SH3RF1: variants seen among roughly 807,000 people sequenced by gnomAD.
SH3RF1 encodes the protein SH3 domain containing ring finger 1.
A neutral mutation model predicts 74.0 loss-of-function variants in SH3RF1; 32 were observed. The observed-to-expected ratio is 0.43, with a 90% CI of 0.33 to 0.58. SH3RF1 has a LOEUF of 0.58. Ranked by LOEUF, SH3RF1 falls within the 20% of genes least tolerant of loss-of-function variation. The probability of loss-of-function intolerance (pLI) is 0.05; values close to 1 mark genes in which losing one functional copy is unlikely to be tolerated. For synonymous variants in SH3RF1, 396 were observed against 439.6 expected (o/e 0.90, Z 1.24); for missense variants, 954 against 1,130.9 (o/e 0.84, Z 2.24).
In SH3RF1 at chr4:169,193,279, A is replaced by G. The variant is rs139167689; in HGVS notation, c.394-36600T>C. Among the ~76,000 whole-genome samples, 9 of 152,210 alleles carry G rather than the reference A, an allele frequency of 5.9e-5. No homozygotes were observed. The East Asian group carries it at 1.7e-3, about 29-fold the overall frequency. On this transcript the variant is annotated intron_variant, in intron 2 of 11. Transcript: ENST00000284637. ...AACACCATCCATTCCCCAATAACCT[A>G]TGGAAATAGTGAATGAATGAATGAA...
At position 169,269,124 on chromosome 4, in the gene SH3RF1, T is replaced by A; in HGVS notation, c.89A>T (p.His30Leu). Residue 30 changes from histidine (H) to leucine (L), a missense_variant, in exon 2 of 12, where the codon CAT becomes CTT. Physicochemically the swap from His to Leu is moderately conservative, Grantham distance 99. Transcript: ENST00000284637. The part of the protein sequence containing the change: ...DASAKVLPCQ[H>L]TFCKRCLLGI... ...CAGCAAACATCGCTTGCAAAACGTA[T>A]GCTGGCAAGGCAAGACCTTCGCAGA... 6.2e-7 allele frequency: 1 copy of A among 1,614,072 alleles called. No individual in the cohort carries two copies. Among genetic ancestry groups the A allele is most frequent in the Non-Finnish European group, 8.5e-7 (1 of 1,180,030 alleles).
At chr4:169,165,731 C>T (rs1734231477) in intron 2 of SH3RF1, among the ~76,000 whole-genome samples, 1 of 151,938 alleles carries the variant, frequency 6.6e-6, no homozygotes. Context: ...AGAGGATGCT[C>T]ATATAATTTA....
At chr4:169,210,477 TCA>T (rs1730339376) in intron 2 of SH3RF1, among the ~76,000 whole-genome samples, 1 of 152,262 alleles carries the variant, frequency 6.6e-6, no homozygotes, top group African/African-American at 2.4e-5. Context: ...TTTTAATCTA[TCA>T]CTTCCAAAAG....
chr4:169,197,479 A>C (rs913854469), intron 2 of SH3RF1, among the ~76,000 whole-genome samples: 3 of 151,978 alleles, frequency 2.0e-5, no homozygotes, highest in Admixed American at 2.0e-4. Flanking sequence ...CACAAAAATT[A>C]GCCAGTCGTG....
At chr4:169,222,402 T>C (rs1561057012) in intron 2 of SH3RF1, among the ~76,000 whole-genome samples, 3 of 151,856 alleles carry the variant, frequency 2.0e-5, no homozygotes, top group South Asian at 4.1e-4. Flanking sequence ...GAGGTGGAGG[T>C]TGCAGTGAAC....
At chr4:169,164,839 G>C (rs1734209489) in intron 2 of SH3RF1, among the ~76,000 whole-genome samples, 1 of 152,196 alleles carries the variant, frequency 6.6e-6, no homozygotes, top group Admixed American at 6.5e-5. Flanking sequence ...GGAGGAAACA[G>C]TCATGCAGTT....
intron 2 of SH3RF1, among the ~76,000 whole-genome samples, chr4:169,248,621 T>A (rs1323739575): frequency 6.6e-6 from 1 of 152,154 alleles, no homozygotes; most frequent in East Asian, 1.9e-4. Flanking sequence ...AACCTGCACA[T>A]TCTGTACATG....
At chr4:169,156,325 G>A (rs900184059) in intron 3 of SH3RF1, 79 bp downstream of exon 3, 4 of 1,426,734 alleles carry the variant, frequency 2.8e-6, no homozygotes, top group Non-Finnish European at 3.7e-6. Flanking sequence ...TTTGCAAAAG[G>A]CAACACGAGC....
intron 2 of SH3RF1, among the ~76,000 whole-genome samples, chr4:169,254,867 G>T (rs1387926498): frequency 6.6e-6 from 1 of 152,064 alleles, no homozygotes; most frequent in African/African-American, 2.4e-5. Context: ...TTAGGAAATG[G>T]GTCCTATGAG....
chr4:169,197,247 G>C (rs1016704319), intron 2 of SH3RF1, among the ~76,000 whole-genome samples: 4 of 152,072 alleles, frequency 2.6e-5, no homozygotes, highest in East Asian at 1.9e-4. Context: ...GGTGATCCAC[G>C]TGCCTCAGCC....
chr4:169,096,484 TG>T lies in SH3RF1; in HGVS notation c.*34del. ...AACTGCTTTGTGCTACTTTGTTGTGTGAAGTGATTTTAAGCTTCTTCAGTGT... is the reference window on the plus strand; with the variant it reads ...AACTGCTTTGTGCTACTTTGTTGTGTAAGTGATTTTAAGCTTCTTCAGTGT... On this transcript the variant is annotated 3_prime_UTR_variant, in exon 12 of 12. Transcript: ENST00000284637. 6.2e-7 allele frequency: 1 copy of T among 1,602,230 alleles called. No homozygotes were observed. Among genetic ancestry groups the T allele is most frequent in the South Asian group, 1.1e-5 (1 of 88,910 alleles).
At chr4:169,192,836 G>GATGTGATATAT (rs1198224218) in intron 2 of SH3RF1, among the ~76,000 whole-genome samples, 20 of 146,462 alleles carry the variant, frequency 1.4e-4, no homozygotes, top group African/African-American at 5.0e-4. Flanking sequence ...ATATCATATA[G>GATGTGATATAT]ATGTGATATA....
intron 4 of SH3RF1, among the ~76,000 whole-genome samples, chr4:169,139,162 G>A (rs564019211): frequency 7.9e-5 from 12 of 152,224 alleles, no homozygotes; most frequent in Middle Eastern, 3.4e-3. Flanking sequence ...AGCTGGTGTC[G>A]AACTTCTGAG....
At chr4:169,234,117 T>A (rs1179592639) in intron 2 of SH3RF1, among the ~76,000 whole-genome samples, 1 of 152,090 alleles carries the variant, frequency 6.6e-6, no homozygotes, top group Non-Finnish European at 1.5e-5. Context: ...TACAAATTAT[T>A]CTAGAACAGT....
chr4:169,188,793 C>T (rs1236687941), intron 2 of SH3RF1, among the ~76,000 whole-genome samples: 1 of 152,158 alleles, frequency 6.6e-6, no homozygotes, highest in African/African-American at 2.4e-5. Flanking sequence ...TTCCATACTC[C>T]CTCTATCAAT....
intron 11 of SH3RF1, among the ~76,000 whole-genome samples, chr4:169,102,427 C>T (rs1733055453): frequency 6.6e-6 from 1 of 151,712 alleles, no homozygotes. Flanking sequence ...AGGAGATGAG[C>T]TTATAGGTAT....
chr4:169,260,243 T>C lies in SH3RF1; in HGVS notation c.393+8577A>G, dbSNP rs186146332. ...GAGCCTCTGATTTTATTCTTTTGCT[T>C]TTCTGAGACCAGAGACTTAATTATG... On this transcript the variant is annotated intron_variant, in intron 2 of 11. Transcript: ENST00000284637. 1.6e-4 allele frequency among the ~76,000 whole-genome samples: 25 copies of C among 152,302 alleles called. No homozygotes were observed. The East Asian group carries it at 4.8e-3, about 29-fold the overall frequency.
At chr4:169,195,325 T>A (rs980487366) in intron 2 of SH3RF1, among the ~76,000 whole-genome samples, 23 of 152,240 alleles carry the variant, frequency 1.5e-4, no homozygotes, top group African/African-American at 5.5e-4. Context: ...ATTTGTCTTT[T>A]TCCCCCCACT....
At chr4:169,231,552 C>A (rs577117389) in intron 2 of SH3RF1, among the ~76,000 whole-genome samples, 1 of 151,300 alleles carries the variant, frequency 6.6e-6, no homozygotes, top group African/African-American at 2.4e-5. Context: ...GGTGACACAG[C>A]GAGACTCCGT....
Sources: allele counts gnomAD v4.1 joint callset (sites outside exome capture counted in the v4.1 genomes callset), GRCh38; gene constraint gnomAD v4.1.1; transcripts MANE v1.5; gene names NCBI Gene and HGNC (gene_info 2026-07-23, HGNC 2026-07-21).